Variants in BSG observed in about 807,000 individuals in gnomAD.
BSG encodes basigin.
In BSG, 37 loss-of-function variants were observed where a neutral mutation model predicts 43.1. That is an observed-to-expected ratio of 0.86 (90% CI 0.66 to 1.13). The LOEUF is 1.13. BSG is among the 50% of genes most tolerant of loss of function. The pLI, the probability that BSG is intolerant of heterozygous loss-of-function variation, is 0.00. For missense variants in BSG, 599 were observed against 554.2 expected, an observed-to-expected ratio of 1.08 and a Z score of -0.81; for synonymous variants, 309 against 238.7, an observed-to-expected ratio of 1.29 and a Z score of -2.72.
Position 573,564 on chromosome 19 carries a change from C to T in BSG, c.67+863C>T, listed in dbSNP as rs568500243. Among the ~76,000 whole-genome samples, 166 of 152,268 alleles carry T rather than the reference C, an allele frequency of 1.1e-3. 1 individual carries two copies. The highest frequency in any genetic ancestry group is 3.7e-3 in the African/African-American group (152 of 41,552). ...ACTCTTAAGACCTCGCAGGCTCCCT[C>T]GAGGGGCCCTGCGTGGAAGGGAAGG... On this transcript the variant is annotated intron_variant, in intron 1 of 8. Transcript: ENST00000333511.
chr19:571,788 T>C (rs1981260775), upstream of BSG: 1 of 591,582 alleles, frequency 1.7e-6, no homozygotes, highest in Non-Finnish European at 3.0e-6. Flanking sequence ...CTTTCCCTGT[T>C]GGCTGGGGTT....
At chr19:579,082 G>T in intron 2 of BSG, 1 of 459,972 alleles carries the variant, frequency 2.2e-6, no homozygotes. Flanking sequence ...AGTTTGTGCT[G>T]GGGCTGCTAC....
upstream of BSG, chr19:572,397 C>T (rs1170750533): frequency 2.0e-6 from 2 of 985,308 alleles, no homozygotes; most frequent in Non-Finnish European, 2.4e-6. Context: ...CCTAGCAACG[C>T]CGGGTCACGT....
intron 2 of BSG, chr19:579,270 G>T (rs1982060382): frequency 4.9e-6 from 3 of 617,070 alleles, no homozygotes; most frequent in African/African-American, 4.7e-5. Flanking sequence ...TTCCCGAAGG[G>T]GGTGCCTTCC....
chr19:572,586 C>T (rs896365049), upstream of BSG: 3 of 1,436,940 alleles, frequency 2.1e-6, no homozygotes, highest in Non-Finnish European at 2.8e-6. Context: ...CGGCCGCGGG[C>T]GGCGGCGGCA....
At chr19:573,786 G>A (rs1711918638) in intron 1 of BSG, among the ~76,000 whole-genome samples, 1 of 152,204 alleles carries the variant, frequency 6.6e-6, no homozygotes, top group African/African-American at 2.4e-5. Context: ...ACCCGCATTC[G>A]GTTTCCAGTG....
Position 583,164 on chromosome 19 carries a change from G to A in BSG, c.*420G>A, listed in dbSNP as rs1982489816. On this transcript the variant is annotated 3_prime_UTR_variant, in exon 9 of 9. Coordinates refer to ENST00000333511, the MANE Select transcript of BSG (RefSeq NM_001728.4). ...GGTTGCGCCATTTTTGTGCTTTTAT[G>A]TTTAATTTTATGAGGGCCACGGGTC... 1 of 155,242 alleles carries A rather than the reference G, an allele frequency of 6.4e-6. No homozygotes were observed. Among genetic ancestry groups the A allele is most frequent in the East Asian group, 1.9e-4 (1 of 5,218 alleles). 9.6% of individuals were successfully genotyped at this position (155,242 alleles called of 1,614,324 possible).
intron 1 of BSG, 145 bp from the exon 2 acceptor site, chr19:577,629 G>A (rs1180809281): frequency 2.3e-5 from 14 of 603,894 alleles, no homozygotes; most frequent in Admixed American, 2.1e-4. Context: ...GTTTCCAGCC[G>A]GGCCCCATCA....
intron 5 of BSG, among the ~76,000 whole-genome samples, 154 bp from the exon 6 acceptor site, chr19:581,161 C>T (rs1223614673): frequency 1.9e-5 from 2 of 102,736 alleles, no homozygotes; most frequent in Admixed American, 9.3e-5. Flanking sequence ...CCCAGCCCTC[C>T]GGACTGGGTG....
chr19:578,251 C>G (rs761019268), intron 2 of BSG, 130 bp downstream of exon 2: 4 of 1,007,266 alleles, frequency 4.0e-6, no homozygotes, highest in Non-Finnish European at 4.1e-6. Flanking sequence ...TTGGGCCCAC[C>G]GCCTGGACGG....
intron 1 of BSG, among the ~76,000 whole-genome samples, chr19:576,332 C>T (rs537007790): frequency 7.8e-4 from 119 of 152,360 alleles, no homozygotes; most frequent in Non-Finnish European, 1.3e-3. Context: ...AAGGAGCTTG[C>T]CAGCTGGGCA....
At chr19:582,011 CTG>C (rs1982369908) in intron 6 of BSG, among the ~76,000 whole-genome samples, 1 of 152,246 alleles carries the variant, frequency 6.6e-6, no homozygotes, top group South Asian at 2.1e-4. Flanking sequence ...GGGGCGAGGC[CTG>C]TGTGGGGCCT....
chr19:575,951 AC>A (rs1364915805), intron 1 of BSG, among the ~76,000 whole-genome samples: 1 of 151,736 alleles, frequency 6.6e-6, no homozygotes, highest in African/African-American at 2.4e-5. Context: ...ACGCCCCCCC[AC>A]CCCCAGTGAC....
chr19:582,502 C>G lies in BSG; in HGVS notation c.1095-12C>G, dbSNP rs750647954. ...CGGGGGACACCCTCTCACCCGGCCC[C>G]TCGTGCCCCAGGAAGAGCAGCGGGC... is the stretch of plus-strand genomic sequence containing the variant. On this transcript the variant is annotated splice_polypyrimidine_tract_variant and intron_variant, in intron 7 of 8. Coordinates refer to ENST00000333511, the MANE Select transcript of BSG (RefSeq NM_001728.4). 2.5e-6 allele frequency: 4 copies of G among 1,607,170 alleles called. No homozygotes were observed. Among genetic ancestry groups the G allele is most frequent in the Non-Finnish European group, 3.4e-6 (4 of 1,177,674 alleles).
intron 3 of BSG, 92 bp from the exon 4 acceptor site, chr19:580,287 A>T (rs968984575): frequency 1.7e-6 from 2 of 1,192,940 alleles, no homozygotes; most frequent in Admixed American, 2.0e-5. Context: ...TTGCTTTTTC[A>T]CTGTGCCGTG....
intron 1 of BSG, among the ~76,000 whole-genome samples, 200 bp downstream of exon 1, chr19:572,901 T>C (rs1423993670): frequency 6.6e-6 from 1 of 151,988 alleles, no homozygotes; most frequent in Non-Finnish European, 1.5e-5. Context: ...TAGAGGTTCC[T>C]CCCGGCGCGG....
chr19:579,327 C>A lies in BSG; in HGVS notation c.416-173C>A, dbSNP rs747978958. 19 of 880,184 alleles carry A rather than the reference C, an allele frequency of 2.2e-5. No individual in the cohort carries two copies. In the African/African-American group the frequency reaches 3.0e-4, roughly 14 times the overall value. The allele number at this position is 880,184 out of a possible 1,614,324, so 54.5% of individuals were successfully genotyped here. A position where few individuals can be genotyped will look rare whatever the true frequency, so the allele number is the denominator to read the frequency against. ...CGCTGGGCTCTTCCCTTCCCGGAGG[C>A]GTGGCCAGAAGTTCCCCTTGGGCCT... is the stretch of plus-strand genomic sequence containing the variant. On this transcript the variant is annotated intron_variant, in intron 2 of 8. Transcript: ENST00000333511.
chr19:572,974 C>T (rs1333032682), intron 1 of BSG, among the ~76,000 whole-genome samples: 5 of 152,106 alleles, frequency 3.3e-5, no homozygotes, highest in Admixed American at 2.0e-4. Context: ...GCGTGAAGCT[C>T]CCTGCTTGGA....
At chr19:582,609 G>A in intron 8 of BSG, 27 bp downstream of exon 8, 4 of 1,472,626 alleles carry the variant, frequency 2.7e-6, no homozygotes, top group Non-Finnish European at 3.7e-6. Context: ...CTCCTCCTGA[G>A]CCAGGTGTGG....
Sources: gnomAD v4.1 joint callset for allele counts (sites outside exome capture counted in the v4.1 genomes callset) on GRCh38, gnomAD v4.1.1 for gene constraint, MANE v1.5 for transcripts, NCBI Gene and HGNC (gene_info 2026-07-23, HGNC 2026-07-21) for gene names.